The following GTF2IRD1 variants were observed in gnomAD, a reference collection of about 807,000 sequenced individuals.
GTF2IRD1 encodes the protein GTF2I repeat domain containing 1.
GTF2IRD1 carries 26 observed loss-of-function variants against 113.2 expected under a neutral mutation model. The ratio of observed to expected loss-of-function variants is 0.23; its 90% CI spans 0.17 to 0.32. The LOEUF is 0.32. Among genes scored for constraint, GTF2IRD1 ranks in the 10% least tolerant of loss-of-function variants. The pLI, the probability that GTF2IRD1 is intolerant of heterozygous loss-of-function variation, is 1.00. For missense variants in GTF2IRD1, 864 were observed against 1,280.8 expected, an observed-to-expected ratio of 0.67 and a Z score of 4.97; for synonymous variants, 484 against 529.1, an observed-to-expected ratio of 0.91 and a Z score of 1.17.
intron 22 of GTF2IRD1, among the ~76,000 whole-genome samples, chr7:74,562,829 A>G (rs1554359547): frequency 6.6e-6 from 1 of 152,054 alleles, no homozygotes; most frequent in East Asian, 1.9e-4. Context: ...TGATCCGCCC[A>G]TCTTGACCTC....
chr7:74,508,070 C>T lies in GTF2IRD1; in HGVS notation c.-6-5C>T, dbSNP rs1796398318. On this transcript the variant is annotated splice_region_variant and splice_polypyrimidine_tract_variant and intron_variant, in intron 1 of 26. Coordinates refer to ENST00000424337, the MANE Select transcript of GTF2IRD1 (RefSeq NM_005685.4). ...CCACCACCACTGCCTCCTCCCTCCC[C>T]ACAGGCGACCATGGCCTTGCTGGGT... The T allele has an allele frequency of 1.2e-6, 2 of 1,603,006 alleles. No individual in the cohort carries two copies. The highest frequency in any genetic ancestry group is 1.1e-5 in the South Asian group (1 of 90,550).
chr7:74,564,748 A>T (rs1562874524), intron 22 of GTF2IRD1, among the ~76,000 whole-genome samples: 1 of 151,132 alleles, frequency 6.6e-6, no homozygotes, highest in East Asian at 1.9e-4. Flanking sequence ...GTCTCTAAAA[A>T]AGAGAGAGAG....
At chr7:74,456,478 T>A (rs1418269360) in intron 1 of GTF2IRD1, among the ~76,000 whole-genome samples, 3 of 152,002 alleles carry the variant, frequency 2.0e-5, no homozygotes, top group Non-Finnish European at 2.9e-5. Flanking sequence ...GGTCAGGAGT[T>A]CAAGACCAGC....
At chr7:74,558,292 A>G (rs1799723706) in intron 20 of GTF2IRD1, among the ~76,000 whole-genome samples, 1 of 150,690 alleles carries the variant, frequency 6.6e-6, no homozygotes, top group East Asian at 1.9e-4. Context: ...AAAAAAAAAA[A>G]AAAAAATGGA....
At chr7:74,539,097 T>G (rs1286344257) in intron 13 of GTF2IRD1, among the ~76,000 whole-genome samples, 3 of 152,114 alleles carry the variant, frequency 2.0e-5, no homozygotes, top group East Asian at 3.9e-4. Flanking sequence ...TTTCCACATC[T>G]TCAGAGGAGA....
rs1797453358 is a variant in GTF2IRD1, at chr7:74,524,135, C to T, written c.1071C>T (p.Ile357=). ...DINTLRECVQ[I]LFNSRYAEAL... ...ACACGCTCCGGGAGTGTGTGCAGATCCTGTTTAACAGCAGATATGGTGAGT... is the reference window on the plus strand; with the variant it reads ...ACACGCTCCGGGAGTGTGTGCAGATTCTGTTTAACAGCAGATATGGTGAGT... Residue 357 remains isoleucine, a synonymous_variant, in exon 8 of 27, where the codon ATC becomes ATT. Transcript: ENST00000424337. The T allele has an allele frequency of 6.2e-7, 1 of 1,612,098 alleles. No individual in the cohort carries two copies. The highest frequency in any genetic ancestry group is 8.5e-7 in the Non-Finnish European group (1 of 1,178,998).
chr7:74,529,657 GGGGACCGCAGCTCCC>G, intron 8 of GTF2IRD1, 62 bp from the exon 9 acceptor site: 2 of 1,265,828 alleles, frequency 1.6e-6, no homozygotes, highest in South Asian at 2.6e-5. Context: ...GGGAGGTGAT[GGGGACCGCAGCTCCC>G]GGGTCCTGTG....
At chr7:74,493,919 A>G (rs553912228) in intron 1 of GTF2IRD1, among the ~76,000 whole-genome samples, 1 of 152,048 alleles carries the variant, frequency 6.6e-6, no homozygotes, top group East Asian at 1.9e-4. Flanking sequence ...GGGTCTTGCC[A>G]TATTACCCAG....
At chr7:74,464,226 C>T (rs1197641822) in intron 1 of GTF2IRD1, among the ~76,000 whole-genome samples, 1 of 152,120 alleles carries the variant, frequency 6.6e-6, no homozygotes, top group Non-Finnish European at 1.5e-5. Flanking sequence ...CAGTTTGACC[C>T]TCTAGAAAAT....
At chr7:74,597,341 CT>C (rs79382591) in intron 25 of GTF2IRD1, among the ~76,000 whole-genome samples, 11,451 of 134,168 alleles carry the variant, frequency 0.085, 485 homozygotes, top group African/African-American at 0.13. Context: ...TGCTACCGGC[CT>C]TTTTTTTTTT....
At chr7:74,573,651 T>C (rs1245796052) in intron 22 of GTF2IRD1, among the ~76,000 whole-genome samples, 1 of 152,090 alleles carries the variant, frequency 6.6e-6, no homozygotes, top group Non-Finnish European at 1.5e-5. Flanking sequence ...GTCTGAGCCA[T>C]AGAAGTAGAG....
At chr7:74,554,468 C>T (rs1262362849) in intron 17 of GTF2IRD1, among the ~76,000 whole-genome samples, 6 of 152,176 alleles carry the variant, frequency 3.9e-5, no homozygotes, top group African/African-American at 2.4e-5. Context: ...AGCTCTCAGA[C>T]GTGAGCCGTA....
At chr7:74,589,973 G>A (rs782111974) in intron 23 of GTF2IRD1, 45 bp downstream of exon 23, 1 of 1,251,154 alleles carries the variant, frequency 8.0e-7, no homozygotes, top group East Asian at 2.4e-5. Flanking sequence ...CCTCCTCCCG[G>A]GGGTGGTGGG....
At chr7:74,462,630 C>T (rs1407808288) in intron 1 of GTF2IRD1, among the ~76,000 whole-genome samples, 1 of 152,202 alleles carries the variant, frequency 6.6e-6, no homozygotes, top group African/African-American at 2.4e-5. Context: ...CTCGGGACCC[C>T]CCAGAAGAAG....
intron 1 of GTF2IRD1, among the ~76,000 whole-genome samples, chr7:74,460,723 G>T (rs1426528736): frequency 1.3e-5 from 2 of 152,142 alleles, no homozygotes; most frequent in African/African-American, 4.8e-5. Flanking sequence ...CTGGGAGGAG[G>T]GGGTGGGAAA....
chr7:74,516,740 C>T (rs899297246), intron 4 of GTF2IRD1, among the ~76,000 whole-genome samples: 23 of 152,114 alleles, frequency 1.5e-4, no homozygotes, highest in Admixed American at 2.6e-4. Context: ...GTGCCTCTGT[C>T]GACACTTTTG....
intron 2 of GTF2IRD1, among the ~76,000 whole-genome samples, chr7:74,511,800 G>A (rs2130100014): frequency 6.6e-6 from 1 of 152,328 alleles, no homozygotes; most frequent in South Asian, 2.1e-4. Flanking sequence ...GCCTGCCACA[G>A]GCTTCACAGT....
At position 74,590,982 on chromosome 7, in the gene GTF2IRD1, A is replaced by G; in HGVS notation, c.2556A>G (p.Arg852=). The change falls in exon 24 of 27, where the codon CGA becomes CGG. Residue 852 remains arginine, a synonymous_variant. Transcript: ENST00000424337. The part of the protein sequence containing the change: ...IHRLEKILKA[R]EHVRMVIINQ... ...GGCTGGAGAAGATCCTGAAGGCCCG[A>G]GAGCATGTCCGCATGGTCATCATTA... 1.9e-6 allele frequency: 3 copies of G among 1,613,156 alleles called. No homozygotes were observed. Among genetic ancestry groups the G allele is most frequent in the Non-Finnish European group, 2.5e-6 (3 of 1,179,942 alleles).
At chr7:74,486,096 G>C (rs1479322473) in intron 1 of GTF2IRD1, among the ~76,000 whole-genome samples, 1 of 151,916 alleles carries the variant, frequency 6.6e-6, no homozygotes. Context: ...TCAGCCTCCT[G>C]AGTAGCTGGG....
Sources: gnomAD v4.1 joint callset for allele counts (sites outside exome capture counted in the v4.1 genomes callset) on GRCh38, gnomAD v4.1.1 for gene constraint, MANE v1.5 for transcripts, NCBI Gene and HGNC (gene_info 2026-07-23, HGNC 2026-07-21) for gene names.